COL27A1: variants seen among roughly 807,000 people sequenced by gnomAD.
The protein encoded by COL27A1 is collagen type XXVII alpha 1 chain.
Under a neutral mutation model 251.3 loss-of-function variants are expected in COL27A1, and 106 were observed. That is an observed-to-expected ratio of 0.42 (90% CI 0.36 to 0.50). The LOEUF (loss-of-function observed/expected upper bound fraction) is 0.50, where lower values mean the gene tolerates loss of function less well. Ranked by LOEUF, COL27A1 falls within the 20% of genes least tolerant of loss-of-function variation. The probability of loss-of-function intolerance (pLI) is 0.00; values close to 1 mark genes in which losing one functional copy is unlikely to be tolerated. For missense variants in COL27A1, 2,325 were observed against 2,522.8 expected (o/e 0.92, Z 1.68); for synonymous variants, 1,000 against 986.3 (o/e 1.01, Z -0.26).
intron 24 of COL27A1, among the ~76,000 whole-genome samples, chr9:114,249,101 GAC>G: frequency 6.6e-6 from 1 of 152,300 alleles, no homozygotes; most frequent in Non-Finnish European, 1.5e-5. Context: ...GGCTCAGAGA[GAC>G]TGATTTGCCC....
At chr9:114,169,742 C>G (rs1195296668) in intron 3 of COL27A1, among the ~76,000 whole-genome samples, 1 of 152,206 alleles carries the variant, frequency 6.6e-6, no homozygotes, top group Non-Finnish European at 1.5e-5. Flanking sequence ...GGCCCAGGTC[C>G]AAGCCCGTTC....
At chr9:114,223,746 C>T (rs1474097713) in intron 14 of COL27A1, among the ~76,000 whole-genome samples, 2 of 152,136 alleles carry the variant, frequency 1.3e-5, no homozygotes, top group Non-Finnish European at 2.9e-5. Context: ...TTTTAACCAC[C>T]CTATGCCTCG....
chr9:114,235,313 A>G (rs558366969), intron 16 of COL27A1, among the ~76,000 whole-genome samples: 20 of 152,308 alleles, frequency 1.3e-4, no homozygotes, highest in African/African-American at 4.8e-4. Flanking sequence ...TCAGTTCTCC[A>G]GGCAAGGCCA....
intron 56 of COL27A1, 110 bp from the exon 57 acceptor site, chr9:114,304,498 A>C: frequency 1.1e-6 from 1 of 933,614 alleles, no homozygotes. Flanking sequence ...TGCAGAGGGC[A>C]TATGACTTGG....
intron 23 of COL27A1, among the ~76,000 whole-genome samples, chr9:114,244,908 G>A (rs966772033): frequency 6.6e-6 from 1 of 152,200 alleles, no homozygotes; most frequent in Admixed American, 6.5e-5. Context: ...AGACAGACAA[G>A]GCCGAGATAG....
intron 3 of COL27A1, among the ~76,000 whole-genome samples, chr9:114,173,389 G>A (rs1849462695): frequency 6.6e-6 from 1 of 152,216 alleles, no homozygotes; most frequent in Admixed American, 6.5e-5. Flanking sequence ...ACGAAATGCA[G>A]GTCGTCCTGA....
intron 36 of COL27A1, chr9:114,273,757 A>C (rs1178777440): frequency 1.3e-5 from 2 of 152,332 alleles, no homozygotes; most frequent in Non-Finnish European, 2.9e-5. Context: ...GCCCCTCAGC[A>C]GCCATGCCCG....
chr9:114,306,657 C>G lies in COL27A1; in HGVS notation c.5076C>G (p.Asp1692Glu), dbSNP rs1829071276. ...TKENPARVCR[D>E]LMDCEQKMVD... ...AGAACCCCGCCCGGGTCTGCAGGGA[C>G]CTCATGGACTGTGAGCAGAAGATGG... Residue 1692 changes from aspartate to glutamate, a missense_variant, in exon 58 of 61, where the codon GAC (aspartate) becomes GAG (glutamate). Asp to Glu is a conservative substitution (Grantham distance 45). Around this residue, in one of 4 missense-constraint regions of COL27A1, gnomAD observed 327 missense variants for 442.8 expected, o/e 0.74. Transcript: ENST00000356083. 3 of 1,613,988 alleles carry G rather than the reference C, an allele frequency of 1.9e-6. No individual in the cohort carries two copies. The African/African-American group carries it at 4.0e-5, about 22-fold the overall frequency.
At chr9:114,292,980 G>T (rs2131635603) in intron 49 of COL27A1, among the ~76,000 whole-genome samples, 1 of 152,278 alleles carries the variant, frequency 6.6e-6, no homozygotes. Context: ...AGGAGAAATA[G>T]ACAAATTCAC....
intron 56 of COL27A1, among the ~76,000 whole-genome samples, chr9:114,303,438 C>T (rs113905906): frequency 6.6e-6 from 1 of 152,040 alleles, no homozygotes; most frequent in Admixed American, 6.6e-5. Flanking sequence ...GGGTTTTCAC[C>T]ATGTTGGCCA....
chr9:114,277,517 T>G (rs1835584573), intron 37 of COL27A1, among the ~76,000 whole-genome samples: 1 of 152,202 alleles, frequency 6.6e-6, no homozygotes, highest in Non-Finnish European at 1.5e-5. Flanking sequence ...CAAGTTAGCC[T>G]GCAACAAACT....
At chr9:114,276,704 C>G (rs1395981868) in intron 37 of COL27A1, among the ~76,000 whole-genome samples, 2 of 152,248 alleles carry the variant, frequency 1.3e-5, no homozygotes, top group Non-Finnish European at 2.9e-5. Flanking sequence ...GAACTCTGCT[C>G]TTCCACCCTA....
chr9:114,245,148 G>GTTTT lies in COL27A1; in HGVS notation c.2935-693_2935-690dup, dbSNP rs779029948. On this transcript the variant is annotated intron_variant, in intron 23 of 60. Coordinates refer to ENST00000356083, the MANE Select transcript of COL27A1 (RefSeq NM_032888.4). ...TGATGCAGTGGGAATGTGCATTCTT[G>GTTTT]TTTTTTTTTTTTTTTTTTTTTTTTT... Among the ~76,000 whole-genome samples, 16 of 101,302 alleles carry GTTTT rather than the reference G, an allele frequency of 1.6e-4. 1 individual carries two copies. The highest frequency in any genetic ancestry group is 5.4e-4 in the African/African-American group (14 of 25,890). The allele number at this position is 101,302 out of a possible 152,430, so 66.5% of individuals were successfully genotyped here.
chr9:114,269,853 G>A (rs968110640), intron 35 of COL27A1, among the ~76,000 whole-genome samples: 5 of 152,100 alleles, frequency 3.3e-5, no homozygotes, highest in Non-Finnish European at 7.3e-5. Context: ...CTGGCACATC[G>A]TTGCCATCCT....
intron 13 of COL27A1, among the ~76,000 whole-genome samples, chr9:114,221,701 C>A (rs1831122721): frequency 6.6e-6 from 1 of 152,132 alleles, no homozygotes; most frequent in Non-Finnish European, 1.5e-5. Flanking sequence ...CTCTGGGGGC[C>A]CCTGGAAGAA....
rs371757161 is a variant in COL27A1 at position 114,245,943 on chromosome 9, C to T, written c.2979+33C>T. The T allele has an allele frequency of 1.9e-6, 3 of 1,599,746 alleles. No individual in the cohort carries two copies. In the African/African-American group the frequency reaches 4.0e-5, roughly 21 times the overall value. ...AGCAACGGTCTCTGAATGAGTGGCTCCATTTATTGGGCCCTTACTCTGTGC... is the reference window on the plus strand; with the variant it reads ...AGCAACGGTCTCTGAATGAGTGGCTTCATTTATTGGGCCCTTACTCTGTGC... On this transcript the variant is annotated intron_variant, in intron 24 of 60. Coordinates refer to ENST00000356083, the MANE Select transcript of COL27A1 (RefSeq NM_032888.4).
intron 7 of COL27A1, among the ~76,000 whole-genome samples, chr9:114,198,185 A>G (rs1829294935): frequency 6.6e-6 from 1 of 152,190 alleles, no homozygotes; most frequent in South Asian, 2.1e-4. Flanking sequence ...AGATAATCCT[A>G]TTTATTCATT....
Position 114,169,435 on chromosome 9 carries a change from CG to C in COL27A1, c.1883del (p.Gly628AspfsTer120). 6.4e-7 allele frequency: 1 copy of C among 1,561,492 alleles called. No individual in the cohort carries two copies. ...STPFPLLMGPPGPKGDCGLPG... is the reference protein window; with the variant it reads ...STPFPLLMGPXGPKGDCGLPG... The stretch of plus-strand genomic sequence containing the variant: ...CCTTTCCCTCTGCTGATGGGGCCTC[CG>C]GGACCCAAGGGAGACTGTGGCTTGC... On this transcript the variant is annotated frameshift_variant, in exon 3 of 61. Coordinates refer to ENST00000356083, the MANE Select transcript of COL27A1 (RefSeq NM_032888.4). LOFTEE classifies it high-confidence loss of function.
At chr9:114,227,732 G>C (rs1306028043) in intron 14 of COL27A1, among the ~76,000 whole-genome samples, 1 of 152,160 alleles carries the variant, frequency 6.6e-6, no homozygotes, top group Admixed American at 6.5e-5. Flanking sequence ...AGGGCACAGC[G>C]TGTGGTGCGG....
Sources: gnomAD v4.1 joint callset for allele counts (sites outside exome capture counted in the v4.1 genomes callset) on GRCh38, gnomAD v4.1.1 for gene constraint, gnomAD v4.1.1 regional missense constraint, MANE v1.5 for transcripts, NCBI Gene and HGNC (gene_info 2026-07-23, HGNC 2026-07-21) for gene names.